Variants in NAALADL2 observed in about 807,000 individuals in gnomAD.
NAALADL2 encodes the protein N-acetylated alpha-linked acidic dipeptidase like 2.
In NAALADL2, 76 loss-of-function variants were observed where a neutral mutation model predicts 87.2. That is an observed-to-expected ratio of 0.87 (90% CI 0.72 to 1.05). The LOEUF (loss-of-function observed/expected upper bound fraction) is 1.05. Among genes scored for constraint, NAALADL2 ranks in the 50% least tolerant of loss-of-function variants. The pLI is 0.00. For missense variants in NAALADL2, 1,089 were observed against 945.8 expected, an observed-to-expected ratio of 1.15 and a Z score of -1.99; for synonymous variants, 354 against 331.0, an observed-to-expected ratio of 1.07 and a Z score of -0.75.
At chr3:174,991,038 A>G (rs1030291130) in intron 1 of NAALADL2, among the ~76,000 whole-genome samples, 1 of 152,190 alleles carries the variant, frequency 6.6e-6, no homozygotes, top group African/African-American at 2.4e-5. Context: ...ACCACTTTCT[A>G]TAATATTTTA....
intron 1 of NAALADL2, among the ~76,000 whole-genome samples, chr3:175,081,834 ACATTTTTGGTT>A (rs1476977395): frequency 2.0e-5 from 3 of 152,190 alleles, no homozygotes; most frequent in Non-Finnish European, 4.4e-5. Context: ...CATTTATTGT[ACATTTTTGGTT>A]TATATTTTCA....
At chr3:175,253,963 C>T (rs62285904) in intron 3 of NAALADL2, among the ~76,000 whole-genome samples, 21,989 of 152,146 alleles carry the variant, frequency 0.14, 1,975 homozygotes, top group Admixed American at 0.24. Context: ...GAGATGGAAT[C>T]TACTTCTAGA....
intron 11 of NAALADL2, among the ~76,000 whole-genome samples, chr3:175,677,948 A>G (rs1168861468): frequency 6.6e-6 from 1 of 152,154 alleles, no homozygotes; most frequent in Non-Finnish European, 1.5e-5. Context: ...CTGTCTCTAT[A>G]TAATCATAGT....
intron 5 of NAALADL2, among the ~76,000 whole-genome samples, chr3:175,349,965 GTCT>G (rs201758313): frequency 6.7e-6 from 1 of 148,182 alleles, no homozygotes; most frequent in Non-Finnish European, 1.5e-5. Flanking sequence ...AATCCCATGG[GTCT>G]TCTTCTATGT....
intron 2 of NAALADL2, among the ~76,000 whole-genome samples, chr3:174,587,666 T>C (rs556716034): frequency 2.0e-5 from 3 of 152,328 alleles, no homozygotes; most frequent in South Asian, 2.1e-4. Flanking sequence ...AAATTCTGGA[T>C]TGAAAATTCT....
chr3:175,741,249 C>T (rs1421435545), intron 12 of NAALADL2, among the ~76,000 whole-genome samples: 3 of 152,110 alleles, frequency 2.0e-5, no homozygotes, highest in Admixed American at 1.3e-4. Flanking sequence ...GGGTTCACTT[C>T]CCGGTTCAAA....
intron 2 of NAALADL2, among the ~76,000 whole-genome samples, chr3:175,144,763 C>A (rs1730518514): frequency 6.6e-6 from 1 of 151,750 alleles, no homozygotes; most frequent in Non-Finnish European, 1.5e-5. Flanking sequence ...GTGTTTAATG[C>A]CTCCAATGTT....
chr3:174,805,188 AG>A (rs1402876590), intron 3 of NAALADL2, among the ~76,000 whole-genome samples: 1 of 152,142 alleles, frequency 6.6e-6, no homozygotes, highest in African/African-American at 2.4e-5. Context: ...TATTTAGAAA[AG>A]GTAAAACCAA....
chr3:174,459,158 A>G (rs1716043384), intron 1 of NAALADL2: 2 of 152,322 alleles, frequency 1.3e-5, no homozygotes, highest in South Asian at 4.1e-4. Flanking sequence ...TATTAAGAAC[A>G]TTATTGACAG....
chr3:174,622,740 C>A (rs1262738559), intron 2 of NAALADL2, among the ~76,000 whole-genome samples: 2 of 152,116 alleles, frequency 1.3e-5, no homozygotes, highest in African/African-American at 4.8e-5. Context: ...TTATGTCATT[C>A]ATTTAGTAAG....
chr3:175,141,458 G>A (rs942267429), intron 2 of NAALADL2, among the ~76,000 whole-genome samples: 1 of 152,052 alleles, frequency 6.6e-6, no homozygotes, highest in Admixed American at 6.6e-5. Flanking sequence ...GGTGAAGACA[G>A]GAGTTTTCAA....
chr3:174,616,320 A>G (rs1369411995), intron 2 of NAALADL2, among the ~76,000 whole-genome samples: 2 of 152,052 alleles, frequency 1.3e-5, no homozygotes, highest in African/African-American at 4.8e-5. Context: ...AGAAGGTACT[A>G]GAAGTAAAGT....
intron 5 of NAALADL2, among the ~76,000 whole-genome samples, chr3:175,388,571 C>G (rs1049210632): frequency 6.6e-6 from 1 of 151,988 alleles, no homozygotes; most frequent in Non-Finnish European, 1.5e-5. Flanking sequence ...AAATAACCAC[C>G]ACCCATTTTA....
At chr3:174,581,521 G>A (rs1716166443) in intron 2 of NAALADL2, among the ~76,000 whole-genome samples, 1 of 152,118 alleles carries the variant, frequency 6.6e-6, no homozygotes, top group Non-Finnish European at 1.5e-5. Flanking sequence ...AATACTGAGT[G>A]TTGGGGATAA....
chr3:175,671,058 A>T (rs548230378), intron 11 of NAALADL2, among the ~76,000 whole-genome samples: 17 of 151,856 alleles, frequency 1.1e-4, no homozygotes, highest in African/African-American at 4.1e-4. Context: ...AACAACAGGG[A>T]CACGTTTTAA....
Position 175,351,738 on chromosome 3 carries a change from C to T in NAALADL2, c.1090+27413C>T, listed in dbSNP as rs182608329. Among the ~76,000 whole-genome samples the T allele has an allele frequency of 1.1e-4, 16 of 151,394 alleles. No homozygotes were observed. In the East Asian group the frequency reaches 2.9e-3, roughly 28 times the overall value. ...ATGAATCTGGTACAACTTATCTAAA[C>T]AATCAAATTTGAGGAAAGATGGCAA... On this transcript the variant is annotated intron_variant, in intron 5 of 13. Coordinates refer to ENST00000454872, the MANE Select transcript of NAALADL2 (RefSeq NM_207015.3).
intron 10 of NAALADL2, among the ~76,000 whole-genome samples, chr3:175,577,288 C>A (rs6784858): frequency 0.27 from 41,447 of 152,018 alleles, 7,834 homozygotes; most frequent in African/African-American, 0.54. Flanking sequence ...GAGACTATGC[C>A]TGTAGAGGGT....
chr3:174,857,445 A>G (rs1336341467), upstream of NAALADL2, among the ~76,000 whole-genome samples: 3 of 152,160 alleles, frequency 2.0e-5, no homozygotes, highest in Admixed American at 2.0e-4. Context: ...ATCGTAATTT[A>G]CCACATGCTA....
intron 3 of NAALADL2, among the ~76,000 whole-genome samples, chr3:174,755,572 T>C (rs888758344): frequency 1.3e-5 from 2 of 152,218 alleles, no homozygotes; most frequent in Admixed American, 1.3e-4. Context: ...GCTTGCCTTT[T>C]GAATACTCCA....
Sources: allele counts gnomAD v4.1 joint callset (sites outside exome capture counted in the v4.1 genomes callset), GRCh38; gene constraint gnomAD v4.1.1; transcripts MANE v1.5; gene names NCBI Gene and HGNC (gene_info 2026-07-23, HGNC 2026-07-21).